Variants in NOSTRIN observed in about 807,000 individuals in gnomAD.
NOSTRIN encodes nitric oxide synthase trafficking, also known as BM247 homolog.
Under a neutral mutation model 59.0 loss-of-function variants are expected in NOSTRIN, and 63 were observed. The ratio of observed to expected loss-of-function variants is 1.07; its 90% confidence interval spans 0.87 to 1.32. NOSTRIN has a LOEUF of 1.32. Among genes scored for constraint, NOSTRIN ranks in the 40% most tolerant of loss-of-function variants. NOSTRIN has a pLI of 0.00. For missense variants in NOSTRIN, 512 were observed against 473.1 expected (o/e 1.08, Z -0.76); for synonymous variants, 200 against 165.4 (o/e 1.21, Z -1.61).
chr2:168,831,879 A>T (rs1484609305), intron 6 of NOSTRIN, among the ~76,000 whole-genome samples: 1 of 152,202 alleles, frequency 6.6e-6, no homozygotes, highest in Non-Finnish European at 1.5e-5. Flanking sequence ...AAGGATACAG[A>T]GCTGGTTAAT....
At chr2:168,859,696 T>A in intron 13 of NOSTRIN, 59 bp downstream of exon 13, 1 of 1,581,588 alleles carries the variant, frequency 6.3e-7, no homozygotes, top group African/African-American at 1.4e-5. Flanking sequence ...TGGAGTGGCT[T>A]AAAGTAGCAT....
chr2:168,788,714 G>A (rs556119533), intron 2 of NOSTRIN, among the ~76,000 whole-genome samples: 1 of 152,150 alleles, frequency 6.6e-6, no homozygotes, highest in Non-Finnish European at 1.5e-5. Flanking sequence ...CTCACTGCTG[G>A]AAAAGGGAGG....
chr2:168,842,950 AAAATGTGTTAGT>A, intron 7 of NOSTRIN, 30 bp from the exon 8 acceptor site: 1 of 858,322 alleles, frequency 1.2e-6, no homozygotes, highest in Non-Finnish European at 2.0e-6. Context: ...AGGGCTTTCA[AAAATGTGTTAGT>A]AAATGTGTGA....
At position 168,842,928 on chromosome 2, in the gene NOSTRIN, A is replaced by G. The variant is rs577169228; in HGVS notation, c.505-64A>G. 17 of 837,578 alleles carry G rather than the reference A, an allele frequency of 2.0e-5. No homozygotes were observed. The Admixed American group carries it at 2.9e-4, about 14-fold the overall frequency. 51.9% of individuals were successfully genotyped at this position (837,578 alleles called of 1,614,324 possible). A position where few individuals can be genotyped will look rare whatever the true frequency, so the allele number is the denominator to read the frequency against. ...CATTGAGCCACATATAATTATTACT[A>G]TGGAATTACAAAGGGCTTTCAAAAA... On this transcript the variant is annotated intron_variant, in intron 7 of 15. Transcript: ENST00000317647.
At chr2:168,817,519 T>G (rs1351803379) in intron 2 of NOSTRIN, among the ~76,000 whole-genome samples, 1 of 150,052 alleles carries the variant, frequency 6.7e-6, no homozygotes, top group Non-Finnish European at 1.5e-5. Context: ...AAATTTTGTT[T>G]CCCTGCTGAA....
intron 2 of NOSTRIN, among the ~76,000 whole-genome samples, chr2:168,790,200 C>T (rs1249013675): frequency 2.0e-5 from 3 of 152,234 alleles, no homozygotes; most frequent in East Asian, 1.9e-4. Flanking sequence ...TAATAACATG[C>T]TATGGCAACT....
chr2:168,844,280 G>GC (rs1286000377), intron 8 of NOSTRIN, among the ~76,000 whole-genome samples: 1 of 152,160 alleles, frequency 6.6e-6, no homozygotes, highest in Non-Finnish European at 1.5e-5. Context: ...GGCCCCTGGT[G>GC]AAGCAGTACA....
chr2:168,794,414 C>T (rs923127000), upstream of NOSTRIN, among the ~76,000 whole-genome samples: 2 of 149,214 alleles, frequency 1.3e-5, no homozygotes, highest in East Asian at 4.0e-4. Context: ...TGCAGTGGCA[C>T]GATCTCAGCT....
intron 5 of NOSTRIN, among the ~76,000 whole-genome samples, chr2:168,828,894 T>A (rs1687204034): frequency 6.6e-6 from 1 of 152,086 alleles, no homozygotes; most frequent in South Asian, 2.1e-4. Flanking sequence ...AATCTCAACT[T>A]TATAAAATGA....
chr2:168,828,943 T>C (rs1233847043), intron 5 of NOSTRIN, among the ~76,000 whole-genome samples: 1 of 152,110 alleles, frequency 6.6e-6, no homozygotes, highest in Non-Finnish European at 1.5e-5. Context: ...GGAAGAAGCT[T>C]CTCAAAATGT....
chr2:168,843,650 G>T (rs1688226967), intron 8 of NOSTRIN, among the ~76,000 whole-genome samples: 1 of 152,116 alleles, frequency 6.6e-6, no homozygotes. Flanking sequence ...CACAAAAGGA[G>T]AAATCAAAAT....
intron 5 of NOSTRIN, among the ~76,000 whole-genome samples, chr2:168,830,448 C>T (rs923055282): frequency 6.6e-6 from 1 of 152,146 alleles, no homozygotes; most frequent in Non-Finnish European, 1.5e-5. Context: ...TGGCATAGTA[C>T]ATGAAATATT....
At chr2:168,827,344 C>T (rs1346686000) in intron 3 of NOSTRIN, among the ~76,000 whole-genome samples, 2 of 152,070 alleles carry the variant, frequency 1.3e-5, no homozygotes, top group Non-Finnish European at 2.9e-5. Context: ...GCTCATGGGA[C>T]CATTAACTAT....
At chr2:168,809,821 G>C (rs375116015) in intron 1 of NOSTRIN, among the ~76,000 whole-genome samples, 79 of 151,316 alleles carry the variant, frequency 5.2e-4, no homozygotes, top group African/African-American at 1.8e-3. Context: ...AAATTAGAAA[G>C]CTTGATTGCC....
chr2:168,827,269 C>T (rs1001315381), intron 3 of NOSTRIN, among the ~76,000 whole-genome samples: 1 of 152,164 alleles, frequency 6.6e-6, no homozygotes, highest in Non-Finnish European at 1.5e-5. Context: ...CATCACACTC[C>T]CTAATCCTCC....
intron 5 of NOSTRIN, among the ~76,000 whole-genome samples, chr2:168,829,961 A>C (rs1687276375): frequency 1.3e-5 from 2 of 152,202 alleles, no homozygotes; most frequent in African/African-American, 2.4e-5. Flanking sequence ...AATTTTATTC[A>C]AACTCATTAA....
intron 1 of NOSTRIN, among the ~76,000 whole-genome samples, chr2:168,807,809 T>A (rs1471592076): frequency 6.6e-6 from 1 of 152,204 alleles, no homozygotes; most frequent in African/African-American, 2.4e-5. Context: ...GTACAAATAT[T>A]TGCTATGTGC....
chr2:168,823,162 G>A (rs984663386), intron 2 of NOSTRIN, among the ~76,000 whole-genome samples: 2 of 152,094 alleles, frequency 1.3e-5, no homozygotes, highest in Non-Finnish European at 2.9e-5. Context: ...GACTACAGGC[G>A]TGAGCCACCA....
chr2:168,861,253 A>T (rs1559144662), intron 14 of NOSTRIN, among the ~76,000 whole-genome samples: 1 of 152,174 alleles, frequency 6.6e-6, no homozygotes, highest in Non-Finnish European at 1.5e-5. Context: ...CCAAACTCCC[A>T]TAAGAAGCCT....
Sources: allele counts gnomAD v4.1 joint callset (sites outside exome capture counted in the v4.1 genomes callset), GRCh38; gene constraint gnomAD v4.1.1; transcripts MANE v1.5; gene names NCBI Gene and HGNC (gene_info 2026-07-23, HGNC 2026-07-21).